TTC29: variants seen among roughly 807,000 people sequenced by gnomAD.
TTC29 encodes tetratricopeptide repeat protein 29.
A neutral mutation model predicts 58.1 loss-of-function variants in TTC29; 49 were observed. The ratio of observed to expected loss-of-function variants is 0.84; its 90% CI spans 0.67 to 1.07. The LOEUF (loss-of-function observed/expected upper bound fraction) is 1.07, where lower values mean the gene tolerates loss of function less well. Among genes scored for constraint, TTC29 ranks in the 50% least tolerant of loss-of-function variants. The pLI is 0.00. For missense variants in TTC29, 582 were observed against 555.6 expected (o/e 1.05, Z -0.48); for synonymous variants, 209 against 196.8 (o/e 1.06, Z -0.52).
At chr4:146,734,338 G>A (rs1302141123) in intron 11 of TTC29, among the ~76,000 whole-genome samples, 2 of 152,080 alleles carry the variant, frequency 1.3e-5, no homozygotes, top group African/African-American at 2.4e-5. Context: ...CCCAGGGAGG[G>A]TATGAAAGCT....
chr4:146,918,853 C>T (rs962346912), intron 4 of TTC29, among the ~76,000 whole-genome samples: 8 of 151,006 alleles, frequency 5.3e-5, no homozygotes, highest in South Asian at 2.1e-4. Flanking sequence ...AGCACTTCAG[C>T]ATCATTCATT....
At chr4:146,845,104 G>A (rs79773196) in intron 8 of TTC29, among the ~76,000 whole-genome samples, 9,809 of 152,148 alleles carry the variant, frequency 0.064, 413 homozygotes, top group Admixed American at 0.13. Flanking sequence ...TAGGATTAGG[G>A]TTTCTCTCCT....
intron 4 of TTC29, among the ~76,000 whole-genome samples, chr4:146,915,007 C>A (rs951796736): frequency 6.6e-6 from 1 of 152,132 alleles, no homozygotes; most frequent in African/African-American, 2.4e-5. Flanking sequence ...TTATAGAACA[C>A]CCACAATGTG....
chr4:146,773,594 T>C lies in TTC29; in HGVS notation c.1330+29863A>G, dbSNP rs966344517. Among the ~76,000 whole-genome samples the C allele has an allele frequency of 3.9e-5, 6 of 152,150 alleles. No homozygotes were observed. In the East Asian group the frequency reaches 1.2e-3, roughly 29 times the overall value. ...TACTTGATCATAGGCTCTAATCTAC[T>C]TGATCATAGATTAGTTTGGTGATAT... On this transcript the variant is annotated intron_variant, in intron 11 of 12. Coordinates refer to ENST00000325106, the MANE Select transcript of TTC29 (RefSeq NM_031956.4).
At chr4:146,932,985 G>A (rs1735463444) in intron 4 of TTC29, among the ~76,000 whole-genome samples, 1 of 151,478 alleles carries the variant, frequency 6.6e-6, no homozygotes, top group African/African-American at 2.4e-5. Context: ...TTGAACCTGG[G>A]AAGCAGAGCT....
At chr4:146,868,405 G>A (rs1448247343) in intron 7 of TTC29, among the ~76,000 whole-genome samples, 1 of 152,028 alleles carries the variant, frequency 6.6e-6, no homozygotes, top group East Asian at 1.9e-4. Context: ...TTAAAGAATA[G>A]GTGAGAGTAA....
intron 8 of TTC29, among the ~76,000 whole-genome samples, chr4:146,864,193 AT>A (rs1730423201): frequency 6.6e-6 from 1 of 151,748 alleles, no homozygotes; most frequent in South Asian, 2.1e-4. Context: ...TGAACTCTCC[AT>A]TTCCCTGCAA....
intron 11 of TTC29, among the ~76,000 whole-genome samples, chr4:146,800,893 A>G (rs1579703759): frequency 6.6e-6 from 1 of 152,340 alleles, no homozygotes; most frequent in Non-Finnish European, 1.5e-5. Context: ...GATGCAGAAT[A>G]TGCCAAATGA....
At chr4:146,775,569 G>A (rs1748031014) in intron 11 of TTC29, among the ~76,000 whole-genome samples, 1 of 149,372 alleles carries the variant, frequency 6.7e-6, no homozygotes, top group South Asian at 2.1e-4. Flanking sequence ...TAAGAATGCT[G>A]AATATAGGCC....
chr4:146,830,747 G>C (rs944012931), intron 9 of TTC29, among the ~76,000 whole-genome samples: 1 of 152,088 alleles, frequency 6.6e-6, no homozygotes, highest in African/African-American at 2.4e-5. Context: ...GAAAGGGCTG[G>C]TACATGTGTG....
chr4:146,733,609 A>T (rs1744506470), intron 11 of TTC29, among the ~76,000 whole-genome samples: 1 of 152,164 alleles, frequency 6.6e-6, no homozygotes, highest in Non-Finnish European at 1.5e-5. Flanking sequence ...CTATAGAAAT[A>T]GGTGACTTAT....
intron 11 of TTC29, among the ~76,000 whole-genome samples, chr4:146,768,049 T>G (rs1041006381): frequency 6.6e-6 from 1 of 152,102 alleles, no homozygotes; most frequent in African/African-American, 2.4e-5. Context: ...CTTTCCAGTT[T>G]ATATCAATAG....
intron 11 of TTC29, among the ~76,000 whole-genome samples, chr4:146,749,135 T>C (rs1745772265): frequency 6.8e-6 from 1 of 148,124 alleles, no homozygotes. Context: ...ACTGACAACA[T>C]AGTGAGACCC....
chr4:146,746,751 C>G (rs1292963298), intron 11 of TTC29, among the ~76,000 whole-genome samples: 1 of 151,964 alleles, frequency 6.6e-6, no homozygotes, highest in Non-Finnish European at 1.5e-5. Flanking sequence ...AGTTTCTGCC[C>G]CATACAAGCA....
At chr4:146,832,313 C>G (rs1728216623) in intron 9 of TTC29, among the ~76,000 whole-genome samples, 1 of 152,096 alleles carries the variant, frequency 6.6e-6, no homozygotes, top group Non-Finnish European at 1.5e-5. Context: ...TATTCAACCA[C>G]CTGTGTCTTC....
At chr4:146,942,562 A>G (rs1323321517) in intron 2 of TTC29, 9 of 1,515,184 alleles carry the variant, frequency 5.9e-6, no homozygotes, top group African/African-American at 1.4e-5. Flanking sequence ...AAGCTCCCCA[A>G]ACGGGCCTCC....
At chr4:146,827,824 G>A (rs1727910717) in intron 9 of TTC29, among the ~76,000 whole-genome samples, 1 of 152,156 alleles carries the variant, frequency 6.6e-6, no homozygotes, top group Admixed American at 6.5e-5. Flanking sequence ...AAGCCAAGAG[G>A]CAAATTCAAT....
chr4:146,889,166 C>T (rs1484319949), intron 6 of TTC29, among the ~76,000 whole-genome samples: 1 of 151,976 alleles, frequency 6.6e-6, no homozygotes, highest in Non-Finnish European at 1.5e-5. Context: ...TCCCTTACTG[C>T]CTAAAGACCA....
intron 11 of TTC29, among the ~76,000 whole-genome samples, chr4:146,799,446 C>T (rs1208006797): frequency 2.0e-5 from 3 of 151,978 alleles, no homozygotes; most frequent in Admixed American, 6.6e-5. Flanking sequence ...AAAAACATGA[C>T]TCAATATTAA....
Sources: gnomAD v4.1 joint callset for allele counts (sites outside exome capture counted in the v4.1 genomes callset) on GRCh38, gnomAD v4.1.1 for gene constraint, MANE v1.5 for transcripts, NCBI Gene and HGNC (gene_info 2026-07-23, HGNC 2026-07-21) for gene names.